The following ABL1 variants were observed in gnomAD, a reference collection of about 807,000 sequenced individuals.
ABL1 encodes the protein tyrosine-protein kinase ABL1.
Under a neutral mutation model 94.7 loss-of-function variants are expected in ABL1, and 11 were observed. That is an observed-to-expected ratio of 0.12 (90% CI 0.07 to 0.19). The LOEUF (loss-of-function observed/expected upper bound fraction) is 0.19. Among genes scored for constraint, ABL1 ranks in the 10% least tolerant of loss-of-function variants. ABL1 has a pLI of 1.00. For synonymous variants in ABL1, 656 were observed against 622.4 expected (o/e 1.05, Z -0.80); for missense variants, 1,082 against 1,489.4 (o/e 0.73, Z 4.50).
chr9:130,745,491 A>T (rs1352279447), intron 1 of ABL1, among the ~76,000 whole-genome samples: 1 of 151,652 alleles, frequency 6.6e-6, no homozygotes, highest in African/African-American at 2.4e-5. Flanking sequence ...AAAAAATCAA[A>T]CCAACAATAG....
At chr9:130,846,888 G>A (rs1830781398) in intron 1 of ABL1, among the ~76,000 whole-genome samples, 1 of 152,190 alleles carries the variant, frequency 6.6e-6, no homozygotes. Context: ...TATATAAAAC[G>A]ATCTTTCAAT....
intron 4 of ABL1, among the ~76,000 whole-genome samples, chr9:130,864,698 C>T (rs1043837889): frequency 1.3e-5 from 2 of 152,160 alleles, no homozygotes; most frequent in African/African-American, 4.8e-5. Context: ...AGGATTGCAG[C>T]GCAGCAGTCC....
Position 130,880,489 on chromosome 9 carries a change from A to G in ABL1, c.1514-11A>G, listed in dbSNP as rs761428340. ...GCTGGATTTTTGTTTCTGTCCCTGT[A>G]TGATTCTTAGAAGTGGAAAAGGAGC... On this transcript the variant is annotated splice_polypyrimidine_tract_variant and intron_variant, in intron 9 of 10. Coordinates refer to ENST00000318560, the MANE Select transcript of ABL1 (RefSeq NM_005157.6). The surrounding 1 kb of genome is among the most constrained non-coding windows in gnomAD (Gnocchi z 4.4). 1.9e-6 allele frequency: 3 copies of G among 1,613,540 alleles called. No homozygotes were observed. Among genetic ancestry groups the G allele is most frequent in the African/African-American group, 2.7e-5 (2 of 74,856 alleles).
chr9:130,845,997 C>G (rs1830763633), intron 1 of ABL1, among the ~76,000 whole-genome samples: 1 of 152,262 alleles, frequency 6.6e-6, no homozygotes, highest in Non-Finnish European at 1.5e-5. Flanking sequence ...CCCCACTGCC[C>G]TGCCCCTCCC....
rs138224968 is a variant in ABL1, at chr9:130,742,807, T to G, written c.136+28352T>G. On this transcript the variant is annotated intron_variant, in intron 1 of 10. Coordinates refer to the ABL1 transcript ENST00000372348. ...TATATGTATATCAGATGTACGCACA[T>G]TAGTATGTGCTATTAAGATACTTTA... Among the ~76,000 whole-genome samples, 1,275 of 152,190 alleles carry G rather than the reference T, an allele frequency of 8.4e-3. 27 individuals carry two copies. Among genetic ancestry groups the G allele is most frequent in the African/African-American group, 0.03 (1,237 of 41,524 alleles).
chr9:130,815,828 C>G (rs902449404), intron 1 of ABL1, among the ~76,000 whole-genome samples: 3 of 152,074 alleles, frequency 2.0e-5, no homozygotes, highest in Admixed American at 6.6e-5. Context: ...TCGAGACCAG[C>G]CTGGCCAACA....
At chr9:130,844,756 G>A (rs1830736021) in intron 1 of ABL1, among the ~76,000 whole-genome samples, 1 of 152,070 alleles carries the variant, frequency 6.6e-6, no homozygotes, top group African/African-American at 2.4e-5. Context: ...AGCCAAGATC[G>A]CGCCACCGCA....
rs1259323142 is a variant in ABL1, at chr9:130,725,837, T to TGTTG, written c.136+11382_136+11383insGTTG. 3.3e-4 allele frequency among the ~76,000 whole-genome samples: 31 copies of TGTTG among 92,654 alleles called. No individual in the cohort carries two copies. In the East Asian group the frequency reaches 8.4e-3, roughly 25 times the overall value. The allele number at this position is 92,654 out of a possible 152,430, so 60.8% of individuals were successfully genotyped here. On this transcript the variant is annotated intron_variant, in intron 1 of 10. Transcript: ENST00000372348. The stretch of plus-strand genomic sequence containing the variant: ...TTGTGTATGGTGGTTTTTTTTTTTT[T>TGTTG]TTTTTTTTTTTTTTGAGACAGTCTC...
In ABL1 at chr9:130,872,390, T is replaced by C. The variant is rs566769290; in HGVS notation, c.907+177T>C. Among the ~76,000 whole-genome samples the C allele has an allele frequency of 6.6e-6, 1 of 152,386 alleles. No individual in the cohort carries two copies. Among genetic ancestry groups the C allele is most frequent in the East Asian group, 1.9e-4 (1 of 5,186 alleles). On this transcript the variant is annotated intron_variant, in intron 5 of 10. Transcript: ENST00000318560. The surrounding 1 kb of genome is among the most constrained non-coding windows in gnomAD (Gnocchi z 5.0). ...TGTATGGGATGGGTGTGTGCGTGTG[T>C]GCACATATGCACATGTATGTATGAG...
At chr9:130,754,507 C>CAA (rs34396002) in intron 1 of ABL1, among the ~76,000 whole-genome samples, 1,088 of 78,446 alleles carry the variant, frequency 0.014, 63 homozygotes, top group African/African-American at 0.048. Context: ...GACTCCGTCT[C>CAA]AAAAAAAAAA....
intron 1 of ABL1, among the ~76,000 whole-genome samples, chr9:130,796,542 A>C (rs966695476): frequency 3.3e-5 from 5 of 152,168 alleles, no homozygotes; most frequent in Non-Finnish European, 7.3e-5. Flanking sequence ...TCTGGCCTTC[A>C]AATGATCGAA....
At chr9:130,870,172 C>A (rs541922919) in intron 4 of ABL1, among the ~76,000 whole-genome samples, 1 of 152,232 alleles carries the variant, frequency 6.6e-6, no homozygotes, top group African/African-American at 2.4e-5. Flanking sequence ...CAGGGGGAGA[C>A]AAATTCACAT....
intron 8 of ABL1, among the ~76,000 whole-genome samples, chr9:130,879,178 C>T (rs974372420): frequency 5.9e-5 from 9 of 152,130 alleles, no homozygotes; most frequent in Non-Finnish European, 4.4e-5. Context: ...CGCCCAGCTG[C>T]GAGGTGATTT....
At chr9:130,781,656 C>G (rs946547093) in intron 1 of ABL1, among the ~76,000 whole-genome samples, 2 of 152,084 alleles carry the variant, frequency 1.3e-5, no homozygotes, top group Non-Finnish European at 2.9e-5. Flanking sequence ...GAAAATATGT[C>G]TTTTATATTA....
At chr9:130,717,295 A>C (rs933232747) in intron 1 of ABL1, among the ~76,000 whole-genome samples, 14 of 152,102 alleles carry the variant, frequency 9.2e-5, no homozygotes, top group Non-Finnish European at 4.4e-5. Flanking sequence ...TGGCCACCTC[A>C]GCCTCCCAAA....
At chr9:130,771,756 T>TTTCTTTCTTTC (rs1554762491) in intron 1 of ABL1, among the ~76,000 whole-genome samples, 78 of 71,934 alleles carry the variant, frequency 1.1e-3, no homozygotes, top group Admixed American at 4.2e-3. Flanking sequence ...TTCTTTCTTT[T>TTTCTTTCTTTC]TTTTTTTTTT....
At chr9:130,815,539 C>T (rs1830273609) in intron 1 of ABL1, among the ~76,000 whole-genome samples, 1 of 152,150 alleles carries the variant, frequency 6.6e-6, no homozygotes, top group South Asian at 2.1e-4. Context: ...TCCAGGTCAC[C>T]TCTGCTTGTC....
At chr9:130,875,149 TTTG>T in intron 7 of ABL1, 97 bp downstream of exon 7, 1 of 1,353,446 alleles carries the variant, frequency 7.4e-7, no homozygotes, top group Non-Finnish European at 1.0e-6. Flanking sequence ...TTCCTTTCTT[TTTG>T]TTTTTTTGAG....
chr9:130,798,230 T>C (rs1254277206), intron 1 of ABL1, among the ~76,000 whole-genome samples: 1 of 152,190 alleles, frequency 6.6e-6, no homozygotes, highest in African/African-American at 2.4e-5. Context: ...GACATTTCTT[T>C]CCACATTGCA....
Sources: gnomAD v4.1 joint callset for allele counts (sites outside exome capture counted in the v4.1 genomes callset) on GRCh38, gnomAD v4.1.1 for gene constraint, Gnocchi (gnomAD v3.1) non-coding constraint, MANE v1.5 for transcripts, NCBI Gene and HGNC (gene_info 2026-07-23, HGNC 2026-07-21) for gene names.